ZC3H8: variants seen among roughly 807,000 people sequenced by gnomAD.
ZC3H8 encodes zinc finger CCCH domain-containing protein 8.
Under a neutral mutation model 42.5 loss-of-function variants are expected in ZC3H8, and 27 were observed. The observed-to-expected ratio is 0.64, with a 90% CI of 0.47 to 0.88. The LOEUF is 0.88. Ranked by LOEUF, ZC3H8 falls within the 40% of genes least tolerant of loss-of-function variation. The pLI is 0.00. For synonymous variants in ZC3H8, 101 were observed against 110.1 expected (o/e 0.92, Z 0.52); for missense variants, 277 against 336.1 (o/e 0.82, Z 1.37).
chr2:112,243,684 C>G (rs1685662292), intron 2 of ZC3H8, among the ~76,000 whole-genome samples: 1 of 152,128 alleles, frequency 6.6e-6, no homozygotes, highest in Admixed American at 6.6e-5. Flanking sequence ...TGTTTTCTCT[C>G]CTTCATTATA....
chr2:112,232,512 T>G (rs528138363), intron 6 of ZC3H8, among the ~76,000 whole-genome samples: 5 of 152,290 alleles, frequency 3.3e-5, no homozygotes, highest in African/African-American at 1.2e-4. Flanking sequence ...CAGGCATGTT[T>G]CATATATGAA....
intron 2 of ZC3H8, among the ~76,000 whole-genome samples, chr2:112,239,502 TCAAAA>T (rs1445138528): frequency 2.0e-5 from 3 of 148,834 alleles, no homozygotes; most frequent in African/African-American, 7.4e-5. Flanking sequence ...AGAAGCAAAC[TCAAAA>T]CAAACAGACA....
At chr2:112,244,885 T>C (rs1175654445) in intron 2 of ZC3H8, among the ~76,000 whole-genome samples, 1 of 152,206 alleles carries the variant, frequency 6.6e-6, no homozygotes, top group Non-Finnish European at 1.5e-5. Flanking sequence ...CCTGAGACAC[T>C]AAGATACTGA....
Position 112,236,601 on chromosome 2 carries a change from T to C in ZC3H8, c.465A>G (p.Gly155=). 6.2e-7 allele frequency: 1 copy of C among 1,614,054 alleles called. No homozygotes were observed. The highest frequency in any genetic ancestry group is 8.5e-7 in the Non-Finnish European group (1 of 1,179,906). ...CGCTGTTCCTCAGCAAAGCATTTGA[T>C]CCTTTGTTTCCAGGGCCAGGCCATT... ...KRKWPGPGNK[G]SNALLRNSGS... The change falls in exon 4 of 9, where the codon GGA becomes GGG. Residue 155 remains glycine, a synonymous_variant. Transcript: ENST00000409573.
At chr2:112,251,474 C>T (rs1250268168) in intron 1 of ZC3H8, among the ~76,000 whole-genome samples, 1 of 152,164 alleles carries the variant, frequency 6.6e-6, no homozygotes, top group African/African-American at 2.4e-5. Context: ...AGTAATGAAT[C>T]ATCTCATGGA....
intron 2 of ZC3H8, among the ~76,000 whole-genome samples, chr2:112,240,998 T>C (rs530936449): frequency 8.1e-4 from 115 of 141,374 alleles, no homozygotes; most frequent in South Asian, 5.5e-3. Context: ...CGTGTGTATG[T>C]GTGTTGTGTT....
intron 8 of ZC3H8, among the ~76,000 whole-genome samples, chr2:112,223,277 G>T (rs1321103358): frequency 7.3e-5 from 11 of 151,612 alleles, no homozygotes; most frequent in Non-Finnish European, 5.9e-5. Context: ...GAAAAAAAAA[G>T]TAAAGAATAT....
At chr2:112,216,696 A>AAAT (rs1684339540) in intron 8 of ZC3H8, among the ~76,000 whole-genome samples, 1 of 151,592 alleles carries the variant, frequency 6.6e-6, no homozygotes, top group Admixed American at 6.6e-5. Flanking sequence ...AAAAAAAAAA[A>AAAT]ATACAAATAA....
At chr2:112,218,715 T>G (rs1346274440) in intron 8 of ZC3H8, among the ~76,000 whole-genome samples, 1 of 152,216 alleles carries the variant, frequency 6.6e-6, no homozygotes, top group Non-Finnish European at 1.5e-5. Context: ...GTTAATCGAC[T>G]GTTTATGTTC....
intron 3 of ZC3H8, among the ~76,000 whole-genome samples, chr2:112,237,694 G>C (rs1015025203): frequency 1.5e-4 from 23 of 151,730 alleles, no homozygotes; most frequent in African/African-American, 5.3e-4. Context: ...TCGTGCCTCA[G>C]CCTCCAGGGT....
intron 8 of ZC3H8, among the ~76,000 whole-genome samples, chr2:112,226,577 A>C (rs1480745521): frequency 5.5e-5 from 5 of 91,356 alleles, no homozygotes. Flanking sequence ...CAACAGAGCC[A>C]AGACTCCATC....
chr2:112,230,022 T>C (rs535292002), intron 8 of ZC3H8, among the ~76,000 whole-genome samples: 3 of 148,874 alleles, frequency 2.0e-5, no homozygotes, highest in South Asian at 4.2e-4. Flanking sequence ...AAGAATTATA[T>C]AAGGAATATA....
At chr2:112,245,731 T>C (rs1036564877) in intron 2 of ZC3H8, among the ~76,000 whole-genome samples, 17 of 152,154 alleles carry the variant, frequency 1.1e-4, no homozygotes, top group African/African-American at 2.4e-4. Context: ...GCTAAGATCA[T>C]TGATGAAGGT....
chr2:112,223,870 G>A (rs1001117081), intron 8 of ZC3H8, among the ~76,000 whole-genome samples: 22 of 152,296 alleles, frequency 1.4e-4, no homozygotes, highest in Middle Eastern at 3.4e-3. Flanking sequence ...GGCCAGGCAC[G>A]GCAGCTCACA....
intron 8 of ZC3H8, among the ~76,000 whole-genome samples, chr2:112,224,304 T>C (rs566830813): frequency 4.6e-5 from 7 of 152,302 alleles, no homozygotes; most frequent in Non-Finnish European, 8.8e-5. Context: ...ACTCTGGTCA[T>C]GTCAAAAAGA....
chr2:112,240,255 T>C (rs1397239603), intron 2 of ZC3H8: 1 of 152,232 alleles, frequency 6.6e-6, no homozygotes, highest in Non-Finnish European at 1.5e-5. Flanking sequence ...CATCCATTCA[T>C]TTACATATTG....
intron 8 of ZC3H8, among the ~76,000 whole-genome samples, chr2:112,230,231 G>A (rs1282528994): frequency 6.6e-6 from 1 of 152,072 alleles, no homozygotes; most frequent in Non-Finnish European, 1.5e-5. Flanking sequence ...TAAAGTACTG[G>A]CAAGTGTAGA....
chr2:112,219,282 T>G (rs78969070), intron 8 of ZC3H8, among the ~76,000 whole-genome samples: 5,124 of 152,170 alleles, frequency 0.034, 461 homozygotes, highest in East Asian at 0.32. Context: ...AAATAAACCC[T>G]CACGTCTATG....
chr2:112,225,241 T>TAA (rs375166221), intron 8 of ZC3H8, among the ~76,000 whole-genome samples: 1 of 149,000 alleles, frequency 6.7e-6, no homozygotes, highest in African/African-American at 2.5e-5. Flanking sequence ...AGTTAATTGT[T>TAA]AAAAAAAAAA....
Sources: gnomAD v4.1 joint callset for allele counts (sites outside exome capture counted in the v4.1 genomes callset) on GRCh38, gnomAD v4.1.1 for gene constraint, MANE v1.5 for transcripts, NCBI Gene and HGNC (gene_info 2026-07-23, HGNC 2026-07-21) for gene names.